The following PLEKHS1 variants were observed in gnomAD, a reference collection of about 807,000 sequenced individuals.
PLEKHS1 encodes pleckstrin homology domain containing S1.
Under a neutral mutation model 51.0 loss-of-function variants are expected in PLEKHS1, and 55 were observed. That is an observed-to-expected ratio of 1.08 (90% CI 0.87 to 1.35). The LOEUF is 1.35. PLEKHS1 is among the 40% of genes most tolerant of loss of function. PLEKHS1 has a pLI of 0.00. For synonymous variants in PLEKHS1, 153 were observed against 144.8 expected, an observed-to-expected ratio of 1.06 and a Z score of -0.41; for missense variants, 398 against 423.0, an observed-to-expected ratio of 0.94 and a Z score of 0.52.
chr10:113,777,947 AC>A, intron 11 of PLEKHS1: 1 of 419,354 alleles, frequency 2.4e-6, no homozygotes, highest in Non-Finnish European at 4.3e-6. Flanking sequence ...CTATGATTGC[AC>A]CACTGCACTC....
exon 10 of PLEKHS1, chr10:113,774,890 G>C (rs911964015): frequency 6.2e-7 from 1 of 1,614,042 alleles, no homozygotes; most frequent in Non-Finnish European, 8.5e-7. Context: ...GACCCTTCCA[G>C]AGACCCAGGA....
At position 113,777,519 on chromosome 10, in the gene PLEKHS1, C is replaced by T. The variant is rs1435752267; in HGVS notation, c.1091+1653C>T. 4.5e-6 allele frequency: 7 copies of T among 1,559,286 alleles called. No homozygotes were observed. The highest frequency in any genetic ancestry group is 4.8e-5 in the East Asian group (2 of 41,954). On this transcript the variant is annotated intron_variant, in intron 11 of 11. Transcript: ENST00000361048. ...GATCGGCATGATGTAGCAAAAAGAG[C>T]TTGCATGGAATCAGACTGGTGCAGG...
At chr10:113,772,150 C>T in intron 8 of PLEKHS1, 61 bp downstream of exon 8, 1 of 1,582,956 alleles carries the variant, frequency 6.3e-7, no homozygotes. Flanking sequence ...GAAACCCTGC[C>T]ATGCACTTTT....
intron 8 of PLEKHS1, among the ~76,000 whole-genome samples, chr10:113,773,442 A>C (rs973638523): frequency 6.6e-6 from 1 of 152,084 alleles, no homozygotes; most frequent in African/African-American, 2.4e-5. Flanking sequence ...ATAAATAAAT[A>C]AATAAGTAAA....
At chr10:113,775,165 C>A in intron 10 of PLEKHS1, 130 bp downstream of exon 10, 1 of 780,348 alleles carries the variant, frequency 1.3e-6, no homozygotes, top group Non-Finnish European at 2.0e-6. Flanking sequence ...AAAAACTTGA[C>A]CATCTTCTCC....
intron 10 of PLEKHS1, 74 bp downstream of exon 10, chr10:113,775,109 T>G: frequency 7.5e-7 from 1 of 1,331,792 alleles, no homozygotes; most frequent in Non-Finnish European, 1.0e-6. Context: ...TTTTTTAACT[T>G]AGAATTTAAA....
intron 1 of PLEKHS1, among the ~76,000 whole-genome samples, chr10:113,754,840 T>TTA (rs1240594061): frequency 3.3e-5 from 5 of 152,214 alleles, no homozygotes; most frequent in Admixed American, 2.6e-4. Flanking sequence ...GGAGAAAGGC[T>TTA]TATCTTGGGC....
chr10:113,765,564 G>A (rs1295844992), intron 2 of PLEKHS1, among the ~76,000 whole-genome samples: 1 of 152,222 alleles, frequency 6.6e-6, no homozygotes, highest in African/African-American at 2.4e-5. Flanking sequence ...TGAAAACGGG[G>A]TGGCAGAAGT....
At chr10:113,766,187 C>A (rs984659837) in intron 2 of PLEKHS1, among the ~76,000 whole-genome samples, 3 of 152,196 alleles carry the variant, frequency 2.0e-5, no homozygotes, top group Non-Finnish European at 2.9e-5. Flanking sequence ...CAGGTGTGAG[C>A]TGAATTAACA....
chr10:113,782,678 T>C (rs570947544), downstream of PLEKHS1: 1 of 152,824 alleles, frequency 6.5e-6, no homozygotes, highest in African/African-American at 2.4e-5. Context: ...GTAAGATGCC[T>C]GCTCTGTCTG....
chr10:113,777,000 A>G, intron 11 of PLEKHS1, 124 bp from the exon 12 acceptor site: 1 of 1,109,186 alleles, frequency 9.0e-7, no homozygotes, highest in South Asian at 1.6e-5. Flanking sequence ...AATATTCTAA[A>G]CAGAAGGAGA....
chr10:113,778,472 A>G (rs772578303), intron 11 of PLEKHS1, among the ~76,000 whole-genome samples: 53 of 152,174 alleles, frequency 3.5e-4, no homozygotes, highest in Non-Finnish European at 6.9e-4. Context: ...TATCTATATT[A>G]AGAACACATC....
At chr10:113,771,063 A>T (rs1347475419) in intron 7 of PLEKHS1, among the ~76,000 whole-genome samples, 1 of 152,148 alleles carries the variant, frequency 6.6e-6, no homozygotes, top group Non-Finnish European at 1.5e-5. Flanking sequence ...GCTCTGAGGC[A>T]TTGTTCTTGG....
At chr10:113,774,366 T>C in intron 9 of PLEKHS1, 33 bp downstream of exon 9, 1 of 1,231,892 alleles carries the variant, frequency 8.1e-7, no homozygotes, top group Non-Finnish European at 1.2e-6. Context: ...AATTTGATGT[T>C]TGCTCATCTG....
intron 2 of PLEKHS1, among the ~76,000 whole-genome samples, chr10:113,763,078 T>C (rs1844014833): frequency 6.6e-6 from 1 of 152,162 alleles, no homozygotes; most frequent in African/African-American, 2.4e-5. Context: ...TGTCCATTTA[T>C]TCATGCAGTT....
At chr10:113,775,220 A>G (rs1844594816) in intron 10 of PLEKHS1, among the ~76,000 whole-genome samples, 185 bp downstream of exon 10, 1 of 152,046 alleles carries the variant, frequency 6.6e-6, no homozygotes, top group Non-Finnish European at 1.5e-5. Flanking sequence ...ATAGATCTCA[A>G]GTAAAGCAGT....
At chr10:113,767,133 A>G (rs1844199437) in intron 4 of PLEKHS1, among the ~76,000 whole-genome samples, 1 of 152,232 alleles carries the variant, frequency 6.6e-6, no homozygotes, top group South Asian at 2.1e-4. Context: ...TCCAATTAAA[A>G]TAGAAATTTT....
chr10:113,777,745 T>C, intron 11 of PLEKHS1: 1 of 1,463,142 alleles, frequency 6.8e-7, no homozygotes, highest in Non-Finnish European at 9.0e-7. Context: ...GGAATGTTAT[T>C]CAAGCCCATT....
At chr10:113,765,218 TGGGAACAAC>T in intron 2 of PLEKHS1, 1 of 498,966 alleles carries the variant, frequency 2.0e-6, no homozygotes, top group African/African-American at 1.9e-5. Context: ...TTAAATTTTT[TGGGAACAAC>T]TTTCTTCTAA....
Sources: allele counts gnomAD v4.1 joint callset (sites outside exome capture counted in the v4.1 genomes callset), GRCh38; gene constraint gnomAD v4.1.1; transcripts MANE v1.5; gene names NCBI Gene and HGNC (gene_info 2026-07-23, HGNC 2026-07-21).